The following CCDC200 variants were observed in gnomAD, a reference collection of about 807,000 sequenced individuals.
CCDC200 encodes coiled-coil domain containing 200.
chr17:43,226,440 T>G (rs1294891964), intron 1 of CCDC200: 1 of 152,208 alleles, frequency 6.6e-6, no homozygotes, highest in African/African-American at 2.4e-5. Context: ...TCTCGCAGGC[T>G]GGAATATAGT....
intron 3 of CCDC200, among the ~76,000 whole-genome samples, chr17:43,221,990 G>A (rs2057536899): frequency 6.6e-6 from 1 of 151,990 alleles, no homozygotes; most frequent in African/African-American, 2.4e-5. Flanking sequence ...AGCTACTCGG[G>A]AGGCTGAGGC....
At chr17:43,222,976 C>T (rs1481943782) in intron 3 of CCDC200, among the ~76,000 whole-genome samples, 1 of 151,822 alleles carries the variant, frequency 6.6e-6, no homozygotes, top group South Asian at 2.1e-4. Context: ...GCCATGTTGG[C>T]CAGGATGGTC....
At chr17:43,226,605 G>T (rs1254843052) in intron 1 of CCDC200, among the ~76,000 whole-genome samples, 1 of 152,064 alleles carries the variant, frequency 6.6e-6, no homozygotes, top group Non-Finnish European at 1.5e-5. Flanking sequence ...ATGATACCAG[G>T]CTGGTCTGAA....
At chr17:43,222,404 C>T (rs1457440322) in intron 3 of CCDC200, among the ~76,000 whole-genome samples, 1 of 152,150 alleles carries the variant, frequency 6.6e-6, no homozygotes. Flanking sequence ...TGAGCTCAGG[C>T]AATCTGCTCA....
chr17:43,225,118 C>T (rs2057558106), intron 1 of CCDC200, among the ~76,000 whole-genome samples: 1 of 152,030 alleles, frequency 6.6e-6, no homozygotes, highest in Non-Finnish European at 1.5e-5. Flanking sequence ...ACTGCTGCCC[C>T]AACCTCCCAG....
At chr17:43,227,525 C>T (rs1216734678) in intron 1 of CCDC200, among the ~76,000 whole-genome samples, 1 of 152,104 alleles carries the variant, frequency 6.6e-6, no homozygotes, top group African/African-American at 2.4e-5. Flanking sequence ...CACTCTGTCA[C>T]TCAGGTCAGA....
At chr17:43,222,332 A>G (rs889389229) in intron 3 of CCDC200, among the ~76,000 whole-genome samples, 4 of 151,526 alleles carry the variant, frequency 2.6e-5, no homozygotes, top group African/African-American at 9.7e-5. Context: ...CACCTGGCTA[A>G]TTTTTTGTAT....
intron 3 of CCDC200, among the ~76,000 whole-genome samples, chr17:43,222,237 C>T (rs1042890091): frequency 6.6e-6 from 1 of 152,068 alleles, no homozygotes; most frequent in African/African-American, 2.4e-5. Context: ...GTCATCCTGG[C>T]TCACTGCAAC....
At chr17:43,225,586 C>G (rs2057561350) in intron 1 of CCDC200, among the ~76,000 whole-genome samples, 2 of 136,540 alleles carry the variant, frequency 1.5e-5, no homozygotes, top group South Asian at 5.1e-4. Context: ...TTGCTTAAAC[C>G]CAGGAGGCGG....
chr17:43,227,482 A>G (rs1224431421), intron 1 of CCDC200, among the ~76,000 whole-genome samples: 1 of 152,006 alleles, frequency 6.6e-6, no homozygotes, highest in Non-Finnish European at 1.5e-5. Flanking sequence ...AAAATCAAAT[A>G]AAGTTTTTAA....
Position 43,223,144 on chromosome 17 carries a change from T to C in CCDC200, c.480+412A>G, listed in dbSNP as rs1005889317. On this transcript the variant is annotated intron_variant, in intron 3 of 3. Transcript: ENST00000636331. ...GTTGCCCAGGCTGGTCTCAAACTTC[T>C]GGGCTCAAGCGATCCTCTCACCTTG... Among the ~76,000 whole-genome samples the C allele has an allele frequency of 3.2e-4, 48 of 151,828 alleles. 1 individual carries two copies. The highest frequency in any genetic ancestry group is 1.2e-3 in the African/African-American group (48 of 41,406).
rs1207473009 is a variant in CCDC200, at chr17:43,223,590, C to G, written c.446G>C (p.Ser149Thr). ...RPGLMNPCQS[S>T]PIRNTGYSQL... ...TGAATACCCAGTGTTTCTGATGGGG[C>G]TAGATTGGCATGGGTTCATGAGACC... Residue 149 changes from serine to threonine, a missense_variant, in exon 3 of 4, where the codon AGC becomes ACC. By Grantham distance (58) the Ser-to-Thr change is moderately conservative. Transcript: ENST00000636331. 6.6e-6 allele frequency: 1 copy of G among 152,322 alleles called. No homozygotes were observed. Among genetic ancestry groups the G allele is most frequent in the Non-Finnish European group, 1.5e-5 (1 of 68,014 alleles). The allele number at this position is 152,322 out of a possible 1,614,324, so 9.4% of individuals were successfully genotyped here. A position where few individuals can be genotyped will look rare whatever the true frequency, so the allele number is the denominator to read the frequency against.
chr17:43,221,619 A>G (rs2057534228), intron 3 of CCDC200, 22 bp from the exon 4 acceptor site: 1 of 152,628 alleles, frequency 6.6e-6, no homozygotes, highest in African/African-American at 2.4e-5. Flanking sequence ...GAGAGACAGG[A>G]AACAAAACAA....
chr17:43,222,618 TCTCA>T (rs1162542961), intron 3 of CCDC200, among the ~76,000 whole-genome samples: 1 of 147,980 alleles, frequency 6.8e-6, no homozygotes, highest in Non-Finnish European at 1.5e-5. Context: ...TCAGGGAGGG[TCTCA>T]CTCTGTTGCA....
intron 1 of CCDC200, among the ~76,000 whole-genome samples, chr17:43,227,065 A>G (rs34094168): frequency 0.32 from 48,230 of 151,548 alleles, 8,009 homozygotes; most frequent in South Asian, 0.5. Flanking sequence ...TGCAACCTCC[A>G]CCTCCCAGGT....
chr17:43,226,778 C>T (rs1332479742), intron 1 of CCDC200, among the ~76,000 whole-genome samples: 8 of 152,136 alleles, frequency 5.3e-5, no homozygotes, highest in African/African-American at 1.2e-4. Context: ...TGTTTTCATA[C>T]TAAGTCTTCA....
At chr17:43,227,374 T>G (rs2057576834) in intron 1 of CCDC200, among the ~76,000 whole-genome samples, 1 of 152,316 alleles carries the variant, frequency 6.6e-6, no homozygotes, top group Admixed American at 6.5e-5. Flanking sequence ...TTCACACTTG[T>G]CAACATTTTG....
At chr17:43,228,106 CT>C (rs2057583832) in intron 1 of CCDC200, among the ~76,000 whole-genome samples, 3 of 5,374 alleles carry the variant, frequency 5.6e-4, no homozygotes, top group Non-Finnish European at 9.8e-4. Flanking sequence ...AAAACTCCAT[CT>C]CAAAAAAAAA....
chr17:43,230,964 A>G (rs1194395577), upstream of CCDC200, among the ~76,000 whole-genome samples: 2 of 62,416 alleles, frequency 3.2e-5, 1 homozygote, highest in African/African-American at 6.9e-5. Context: ...TCAGCGACAG[A>G]GTGAGACTCC....
Sources: gnomAD v4.1 joint callset for allele counts (sites outside exome capture counted in the v4.1 genomes callset) on GRCh38, gnomAD v4.1.1 for gene constraint, MANE v1.5 for transcripts, NCBI Gene and HGNC (gene_info 2026-07-23, HGNC 2026-07-21) for gene names.